Variants in ATAD2B observed in about 807,000 individuals in gnomAD.
ATAD2B encodes the protein ATPase family AAA domain containing 2B.
In ATAD2B, 40 loss-of-function variants were observed where a neutral mutation model predicts 167.6. The ratio of observed to expected loss-of-function variants is 0.24; its 90% CI spans 0.19 to 0.31. The LOEUF is 0.31. ATAD2B is among the 10% of genes least tolerant of loss of function. The pLI, the probability that ATAD2B is intolerant of heterozygous loss-of-function variation, is 1.00. For missense variants in ATAD2B, 1,242 were observed against 1,757.2 expected (o/e 0.71, Z 5.24); for synonymous variants, 579 against 596.5 (o/e 0.97, Z 0.43).
At chr2:23,857,247 C>T (rs1186154983) in intron 13 of ATAD2B, among the ~76,000 whole-genome samples, 168 bp downstream of exon 13, 1 of 152,192 alleles carries the variant, frequency 6.6e-6, no homozygotes, top group Non-Finnish European at 1.5e-5. Context: ...ATTTGGCTCA[C>T]AGGCTGTGGT....
chr2:23,821,179 C>G (rs1403807209), intron 16 of ATAD2B, among the ~76,000 whole-genome samples: 4 of 152,130 alleles, frequency 2.6e-5, no homozygotes, highest in Non-Finnish European at 5.9e-5. Flanking sequence ...GTTCTACCAA[C>G]TGGAACTAAA....
At chr2:23,714,838 G>C in the ATAD2B span, among the ~76,000 whole-genome samples, 7 of 151,316 alleles carry the variant, frequency 4.6e-5, no homozygotes, top group African/African-American at 1.5e-4. Flanking sequence ...CTGAGTGACA[G>C]AGCAAGACTC....
intron 17 of ATAD2B, among the ~76,000 whole-genome samples, chr2:23,811,014 AAAAC>A (rs139327555): frequency 0.55 from 82,081 of 150,566 alleles, 23,003 homozygotes; most frequent in East Asian, 0.78. Flanking sequence ...TCCATCTCAA[AAAAC>A]AAACAAACAA....
rs1694713478 is a variant in ATAD2B, at chr2:23,863,424, C to T, written c.1436G>A (p.Trp479Ter). 6.4e-7 allele frequency: 1 copy of T among 1,552,170 alleles called. No individual in the cohort carries two copies. Among genetic ancestry groups the T allele is most frequent in the Non-Finnish European group, 8.7e-7 (1 of 1,147,120 alleles). The change falls in exon 12 of 28, where the codon TGG becomes TAG. Residue 479 changes from tryptophan (W) to a stop codon, truncating the protein, a stop_gained. Coordinates refer to ENST00000238789, the MANE Select transcript of ATAD2B (RefSeq NM_017552.4). LOFTEE classifies it high-confidence loss of function. ...MRKGADCLSK[W>*]VGESERQLRL... Reference sequence around the variant, plus strand: ...AAGTTGCCTTTCAGATTCACCAACCCACTTGCTCAAACAATCTGCTCCTTT... The same window carrying T: ...AAGTTGCCTTTCAGATTCACCAACCTACTTGCTCAAACAATCTGCTCCTTT...
chr2:23,872,832 G>T, intron 8 of ATAD2B: 1 of 988,258 alleles, frequency 1.0e-6, no homozygotes, highest in Non-Finnish European at 1.6e-6. Flanking sequence ...GCTCTCTTCT[G>T]CACTGAGGTG....
intron 14 of ATAD2B, chr2:23,832,296 C>T (rs543525250): frequency 3.1e-5 from 14 of 458,972 alleles, no homozygotes; most frequent in Admixed American, 2.5e-4. Flanking sequence ...AGGTAAACAG[C>T]CAGCATAGGC....
intron 15 of ATAD2B, among the ~76,000 whole-genome samples, chr2:23,825,108 A>AT (rs1491538161): frequency 8.6e-6 from 1 of 116,352 alleles, no homozygotes; most frequent in Non-Finnish European, 1.7e-5. Context: ...ACATCAGGCT[A>AT]ATTTTTTTTT....
the ATAD2B span, among the ~76,000 whole-genome samples, chr2:23,683,562 G>A: frequency 1.3e-5 from 2 of 152,320 alleles, no homozygotes; most frequent in Admixed American, 1.3e-4. Context: ...ACATCCCCAG[G>A]TCTGGAGCCC....
the ATAD2B span, among the ~76,000 whole-genome samples, chr2:23,743,246 A>G: frequency 3.9e-5 from 6 of 152,284 alleles, no homozygotes; most frequent in East Asian, 5.8e-4. Flanking sequence ...ATGAAATGCT[A>G]TAATACCTTA....
intron 1 of ATAD2B, among the ~76,000 whole-genome samples, chr2:23,909,393 A>T (rs1252265438): frequency 6.6e-6 from 1 of 151,702 alleles, no homozygotes; most frequent in Admixed American, 6.6e-5. Flanking sequence ...TGGGTGACAA[A>T]GTGAGACATT....
the ATAD2B span, among the ~76,000 whole-genome samples, chr2:23,716,712 C>G: frequency 2.0e-5 from 3 of 152,194 alleles, no homozygotes; most frequent in African/African-American, 7.2e-5. Context: ...CAAGACAAAA[C>G]TGCAATCCTA....
chr2:23,701,437 G>A, the ATAD2B span, among the ~76,000 whole-genome samples: 5 of 152,180 alleles, frequency 3.3e-5, no homozygotes, highest in African/African-American at 9.7e-5. Context: ...GGGCAGTCAG[G>A]TGCTGTGGCT....
rs186786047 is a variant in ATAD2B at position 23,898,118 on chromosome 2, G to T, written c.217-2148C>A. Among the ~76,000 whole-genome samples, 384 of 152,134 alleles carry T rather than the reference G, an allele frequency of 2.5e-3. 4 individuals carry two copies. Among genetic ancestry groups the T allele is most frequent in the Non-Finnish European group, 9.0e-4 (61 of 67,974 alleles). On this transcript the variant is annotated intron_variant, in intron 1 of 27. Coordinates refer to ENST00000238789, the MANE Select transcript of ATAD2B (RefSeq NM_017552.4). ...TGCCATCATGCCCAGCTAATTTTTT[G>T]TTGTTGTTAAGATGGGACCTCACTA...
the ATAD2B span, chr2:23,692,022 A>C: frequency 5.5e-6 from 4 of 731,400 alleles, no homozygotes; most frequent in African/African-American, 1.8e-5. Flanking sequence ...GGGCTGTTTT[A>C]AGATGGTAAT....
intron 17 of ATAD2B, chr2:23,811,319 G>A (rs955408978): frequency 6.6e-6 from 1 of 152,150 alleles, no homozygotes; most frequent in African/African-American, 2.4e-5. Context: ...ATCATCAAAG[G>A]GCTTGATAAT....
the ATAD2B span, chr2:23,703,916 AG>A: frequency 2.0e-6 from 3 of 1,497,630 alleles, no homozygotes; most frequent in African/African-American, 4.2e-5. Context: ...TGGGAGGAGG[AG>A]GGGTGTGACC....
At chr2:23,861,276 T>C (rs903023651) in intron 12 of ATAD2B, among the ~76,000 whole-genome samples, 1 of 151,684 alleles carries the variant, frequency 6.6e-6, no homozygotes, top group Non-Finnish European at 1.5e-5. Context: ...TCTAGTAAGA[T>C]AGGTATTCTT....
intron 6 of ATAD2B, among the ~76,000 whole-genome samples, chr2:23,884,144 C>CA (rs978928584): frequency 4.4e-4 from 65 of 147,282 alleles, no homozygotes; most frequent in Middle Eastern, 6.9e-3. Context: ...GACTCTGTCT[C>CA]AAAAAAAAAA....
intron 18 of ATAD2B, among the ~76,000 whole-genome samples, chr2:23,807,475 T>C (rs896967331): frequency 6.6e-5 from 10 of 152,170 alleles, no homozygotes; most frequent in African/African-American, 2.2e-4. Context: ...CATAAGCTCC[T>C]GAGATCTCAA....
Sources: gnomAD v4.1 joint callset for allele counts (sites outside exome capture counted in the v4.1 genomes callset) on GRCh38, gnomAD v4.1.1 for gene constraint, MANE v1.5 for transcripts, NCBI Gene and HGNC (gene_info 2026-07-23, HGNC 2026-07-21) for gene names.